The following ENOX1 variants were observed in gnomAD, a reference collection of about 807,000 sequenced individuals.
ENOX1 encodes candidate growth-related and time keeping constitutive hydroquinone (NADH) oxidase.
In ENOX1, 42 loss-of-function variants were observed where a neutral mutation model predicts 82.5. That is an observed-to-expected ratio of 0.51 (90% CI 0.40 to 0.66). The LOEUF is 0.66. ENOX1 is among the 30% of genes least tolerant of loss of function. The pLI is 0.00. For missense variants in ENOX1, 608 were observed against 811.6 expected, an observed-to-expected ratio of 0.75 and a Z score of 3.05; for synonymous variants, 271 against 282.2, an observed-to-expected ratio of 0.96 and a Z score of 0.40.
At chr13:43,415,828 G>GAT (rs1390125665) in intron 3 of ENOX1, among the ~76,000 whole-genome samples, 5 of 149,524 alleles carry the variant, frequency 3.3e-5, no homozygotes, top group East Asian at 2.0e-4. Flanking sequence ...CTTCCCAGAC[G>GAT]GGGTGGCCGG....
intron 2 of ENOX1, among the ~76,000 whole-genome samples, chr13:43,624,610 G>A (rs1174783055): frequency 1.3e-5 from 2 of 151,934 alleles, no homozygotes; most frequent in South Asian, 4.2e-4. Context: ...TTTGCCCATG[G>A]ATATCAAATT....
chr13:43,605,860 T>A lies in ENOX1; in HGVS notation c.-219+61619A>T, dbSNP rs546594964. 1.6e-3 allele frequency among the ~76,000 whole-genome samples: 241 copies of A among 152,046 alleles called. 3 individuals carry two copies. The highest frequency in any genetic ancestry group is 2.9e-3 in the Non-Finnish European group (200 of 67,972). On this transcript the variant is annotated intron_variant, in intron 2 of 16. Transcript: ENST00000690772. ...ACAGCAAAGGAAACAATCAACAAAG[T>A]GAAGAGATAACCCAAAGAATGGGAG...
chr13:43,276,835 G>A (rs5019909), intron 12 of ENOX1, among the ~76,000 whole-genome samples: 5 of 108,444 alleles, frequency 4.6e-5, no homozygotes, highest in Non-Finnish European at 8.1e-5. Context: ...TCTCCTTGGG[G>A]AAAAAAAGAA....
intron 2 of ENOX1, among the ~76,000 whole-genome samples, chr13:43,582,914 G>A (rs1750249142): frequency 6.6e-6 from 1 of 152,062 alleles, no homozygotes; most frequent in South Asian, 2.1e-4. Context: ...AGAAGAGAGA[G>A]AAATATTACA....
chr13:43,418,102 A>G (rs757591469), intron 3 of ENOX1, among the ~76,000 whole-genome samples: 2 of 152,138 alleles, frequency 1.3e-5, no homozygotes, highest in African/African-American at 4.8e-5. Context: ...CCAGCTACTC[A>G]GGAGGCTACG....
chr13:43,247,832 T>C (rs1452032931), intron 14 of ENOX1, among the ~76,000 whole-genome samples: 15 of 2,360 alleles, frequency 6.4e-3, no homozygotes, highest in African/African-American at 0.027. Flanking sequence ...ATGCAACATA[T>C]ATATATATAT....
chr13:43,638,622 C>G (rs1455725014), intron 2 of ENOX1, among the ~76,000 whole-genome samples: 1 of 152,182 alleles, frequency 6.6e-6, no homozygotes, highest in Non-Finnish European at 1.5e-5. Flanking sequence ...TGTCTCCCAG[C>G]AGCATTGCAG....
In ENOX1 at chr13:43,368,555, C is replaced by T. The variant is rs140535293; in HGVS notation, c.209-7103G>A. Among the ~76,000 whole-genome samples the T allele has an allele frequency of 5.8e-3, 879 of 152,298 alleles. 11 individuals carry two copies. Among genetic ancestry groups the T allele is most frequent in the African/African-American group, 0.021 (854 of 41,552 alleles). ...ACAGGTTCTGTAAAATTCACTCACA[C>T]TGTGGGCCAGGAACTCAAGGGCAGA... On this transcript the variant is annotated intron_variant, in intron 5 of 16. Transcript: ENST00000690772.
chr13:43,496,281 A>G (rs1314591505), intron 2 of ENOX1, among the ~76,000 whole-genome samples: 1 of 152,116 alleles, frequency 6.6e-6, no homozygotes, highest in African/African-American at 2.4e-5. Context: ...GTAAAGATCT[A>G]ATTCAAAGTA....
rs756717438 is a variant in ENOX1 at position 43,478,054 on chromosome 13, G to GTT, written c.-75+5953_-75+5954dup. 6.6e-3 allele frequency among the ~76,000 whole-genome samples: 658 copies of GTT among 100,178 alleles called. 24 individuals are homozygous for GTT. The highest frequency in any genetic ancestry group is 0.036 in the East Asian group (80 of 2,232). 65.7% of individuals were successfully genotyped at this position (100,178 alleles called of 152,430 possible). ...GGATTAATGGCAAGGAGCCAGAGAG[G>GTT]TTTTTTTTTTTTTTTTTTTTTTTTT... is the stretch of plus-strand genomic sequence containing the variant. On this transcript the variant is annotated intron_variant, in intron 3 of 16. Coordinates refer to ENST00000690772, the MANE Select transcript of ENOX1 (RefSeq NM_001347969.2).
chr13:43,476,568 G>A (rs972650034), intron 3 of ENOX1, among the ~76,000 whole-genome samples: 1 of 152,038 alleles, frequency 6.6e-6, no homozygotes, highest in African/African-American at 2.4e-5. Flanking sequence ...GAAGCTAAAG[G>A]CGGGAAATAA....
At chr13:43,769,380 C>T (rs1159748284) in intron 1 of ENOX1, among the ~76,000 whole-genome samples, 1 of 152,166 alleles carries the variant, frequency 6.6e-6, no homozygotes, top group Non-Finnish European at 1.5e-5. Flanking sequence ...GACCAAGGCA[C>T]ACTAAGTGTT....
chr13:43,691,624 C>T (rs1278321019), intron 1 of ENOX1, among the ~76,000 whole-genome samples: 3 of 152,000 alleles, frequency 2.0e-5, no homozygotes, highest in African/African-American at 7.3e-5. Flanking sequence ...TCATTAATCA[C>T]CCCACCCTCC....
At chr13:43,358,842 TCTTC>T (rs1488773908) in intron 7 of ENOX1, among the ~76,000 whole-genome samples, 1 of 152,238 alleles carries the variant, frequency 6.6e-6, no homozygotes, top group African/African-American at 2.4e-5. Flanking sequence ...CTAGGCTTTG[TCTTC>T]CTTCTCCATT....
chr13:43,407,892 CA>C (rs2053895539), intron 5 of ENOX1, among the ~76,000 whole-genome samples: 1 of 152,126 alleles, frequency 6.6e-6, no homozygotes, highest in Non-Finnish European at 1.5e-5. Context: ...TTCACAAAAC[CA>C]AAACAAAGTA....
intron 2 of ENOX1, among the ~76,000 whole-genome samples, chr13:43,605,995 A>G (rs1034863050): frequency 6.6e-6 from 1 of 152,210 alleles, no homozygotes; most frequent in African/African-American, 2.4e-5. Context: ...AAATGGGCAA[A>G]AGATCTGAAT....
intron 1 of ENOX1, among the ~76,000 whole-genome samples, chr13:43,708,260 A>G (rs780189234): frequency 3.9e-5 from 6 of 152,168 alleles, no homozygotes; most frequent in Non-Finnish European, 5.9e-5. Flanking sequence ...TTGGGCATGC[A>G]GCCCCTCCCA....
rs1032044159 is a variant in ENOX1 at position 43,627,474 on chromosome 13, T to C, written c.-219+40005A>G. Among the ~76,000 whole-genome samples, 8 of 152,184 alleles carry C rather than the reference T, an allele frequency of 5.3e-5. No homozygotes were observed. In the South Asian group the frequency reaches 1.4e-3, roughly 28 times the overall value. ...TATATGTATAATTCAGACAGTCTAT[T>C]AGTATCATTTTATCAGTTTGAGTGA... On this transcript the variant is annotated intron_variant, in intron 2 of 16. Coordinates refer to ENST00000690772, the MANE Select transcript of ENOX1 (RefSeq NM_001347969.2).
chr13:43,231,378 C>T (rs1014202602), intron 15 of ENOX1, among the ~76,000 whole-genome samples: 2 of 152,232 alleles, frequency 1.3e-5, no homozygotes, highest in East Asian at 1.9e-4. Flanking sequence ...TGTAGGAAAC[C>T]GATCAAACAC....
Sources: gnomAD v4.1 joint callset for allele counts (sites outside exome capture counted in the v4.1 genomes callset) on GRCh38, gnomAD v4.1.1 for gene constraint, MANE v1.5 for transcripts, NCBI Gene and HGNC (gene_info 2026-07-23, HGNC 2026-07-21) for gene names.